KAZN: variants seen among roughly 807,000 people sequenced by gnomAD.
The protein encoded by KAZN is kazrin, periplakin interacting protein.
KAZN carries 40 observed loss-of-function variants against 87.4 expected under a neutral mutation model. That is an observed-to-expected ratio of 0.46 (90% CI 0.36 to 0.60). KAZN has a LOEUF of 0.60. Ranked by LOEUF, KAZN falls within the 20% of genes least tolerant of loss-of-function variation. The pLI, the probability that KAZN is intolerant of heterozygous loss-of-function variation, is 0.00. For synonymous variants in KAZN, 466 were observed against 458.3 expected (o/e 1.02, Z -0.22); for missense variants, 898 against 1,073.9 (o/e 0.84, Z 2.29).
chr1:14,027,340 G>A (rs887376550), intron 1 of KAZN, among the ~76,000 whole-genome samples: 3 of 152,076 alleles, frequency 2.0e-5, no homozygotes, highest in Non-Finnish European at 4.4e-5. Context: ...ATGGTAACCG[G>A]GTGACATCCC....
At chr1:14,399,460 T>C (rs895660376) in intron 2 of KAZN, among the ~76,000 whole-genome samples, 2 of 152,108 alleles carry the variant, frequency 1.3e-5, no homozygotes, top group East Asian at 1.9e-4. Context: ...GATACCTTGA[T>C]AGTCATTGGT....
intron 2 of KAZN, among the ~76,000 whole-genome samples, chr1:14,259,426 C>T (rs1217488892): frequency 6.6e-6 from 1 of 152,120 alleles, no homozygotes; most frequent in East Asian, 1.9e-4. Flanking sequence ...GTGATGTACC[C>T]AGGCGCTCCA....
chr1:15,103,272 GAA>G, intron 11 of KAZN, 85 bp from the exon 12 acceptor site: 2 of 951,112 alleles, frequency 2.1e-6, no homozygotes, highest in Admixed American at 2.1e-5. Context: ...GTCTCGGGGG[GAA>G]AAAGAGATGC....
chr1:14,582,345 A>G (rs1675607835), intron 2 of KAZN, among the ~76,000 whole-genome samples: 2 of 152,144 alleles, frequency 1.3e-5, no homozygotes, highest in African/African-American at 4.8e-5. Flanking sequence ...GTGTGGAGCA[A>G]AATCAGTTTT....
intron 1 of KAZN, among the ~76,000 whole-genome samples, chr1:14,081,527 G>A (rs967525518): frequency 1.3e-5 from 2 of 152,000 alleles, no homozygotes; most frequent in African/African-American, 4.8e-5. Flanking sequence ...CAAGTGGTTT[G>A]CAATAGCCAA....
At chr1:14,821,794 C>T (rs1250518470) in intron 1 of KAZN, among the ~76,000 whole-genome samples, 4 of 152,144 alleles carry the variant, frequency 2.6e-5, no homozygotes, top group Non-Finnish European at 5.9e-5. Flanking sequence ...CCCTGGAAAG[C>T]TGGTACTACT....
Position 14,600,666 on chromosome 1 carries a change from CAAAAAAA to C in KAZN, c.226+1459_226+1465del, listed in dbSNP as rs59840012. Among the ~76,000 whole-genome samples, 932 of 118,472 alleles carry C rather than the reference CAAAAAAA, an allele frequency of 7.9e-3. 3 individuals are homozygous for C. The highest frequency in any genetic ancestry group is 0.016 in the African/African-American group (491 of 29,934). The allele number at this position is 118,472 out of a possible 152,430, so 77.7% of individuals were successfully genotyped here. A position where few individuals can be genotyped will look rare whatever the true frequency, so the allele number is the denominator to read the frequency against. ...AGAACATTCTCCACTGGAACCTGTG[CAAAAAAA>C]AAAAAAAAAAAAAAAGACAGACTGC... On this transcript the variant is annotated intron_variant, in intron 1 of 14. Coordinates refer to ENST00000376030, the MANE Select transcript of KAZN (RefSeq NM_201628.3).
At chr1:14,132,351 G>A (rs1364658142) in intron 1 of KAZN, among the ~76,000 whole-genome samples, 2 of 152,148 alleles carry the variant, frequency 1.3e-5, no homozygotes, top group African/African-American at 4.8e-5. Context: ...GCAGGTGCTT[G>A]AGCGTGATAC....
chr1:14,893,463 G>A (rs1252664190), intron 1 of KAZN, among the ~76,000 whole-genome samples: 1 of 152,188 alleles, frequency 6.6e-6, no homozygotes, highest in East Asian at 1.9e-4. Flanking sequence ...TAGGTCACGG[G>A]GGCTTCTCCA....
At chr1:14,644,655 C>T (rs999089338) in intron 1 of KAZN, among the ~76,000 whole-genome samples, 11 of 152,138 alleles carry the variant, frequency 7.2e-5, no homozygotes, top group African/African-American at 1.7e-4. Flanking sequence ...GCCACCGTGC[C>T]GGGCCTTCTC....
Position 15,115,806 on chromosome 1 carries a change from G to T in KAZN, c.*1171G>T, listed in dbSNP as rs963734298. The T allele has an allele frequency of 6.6e-6, 1 of 152,188 alleles. No individual in the cohort carries two copies. The highest frequency in any genetic ancestry group is 1.5e-5 in the Non-Finnish European group (1 of 68,046). 9.4% of individuals were successfully genotyped at this position (152,188 alleles called of 1,614,324 possible). A position where few individuals can be genotyped will look rare whatever the true frequency, so the allele number is the denominator to read the frequency against. On this transcript the variant is annotated 3_prime_UTR_variant, in exon 15 of 15. Coordinates refer to ENST00000376030, the MANE Select transcript of KAZN (RefSeq NM_201628.3). This position sits in a 1 kb window ranked among gnomAD's most constrained non-coding sequence, Gnocchi z 4.1. Reference sequence around the variant, plus strand: ...CTTCTGGTTCCCTCCCAGGGACATCGTGAGGATTAACACTTGCTAATATCT... The same window carrying T: ...CTTCTGGTTCCCTCCCAGGGACATCTTGAGGATTAACACTTGCTAATATCT...
intron 1 of KAZN, among the ~76,000 whole-genome samples, chr1:14,001,359 C>T (rs1386540787): frequency 6.6e-6 from 1 of 152,048 alleles, no homozygotes; most frequent in Non-Finnish European, 1.5e-5. Flanking sequence ...AGAAAGGACA[C>T]AAACAAATAA....
At chr1:14,041,051 T>C (rs4662086) in intron 1 of KAZN, among the ~76,000 whole-genome samples, 93,216 of 151,534 alleles carry the variant, frequency 0.62, 29,998 homozygotes, top group African/African-American at 0.8. Flanking sequence ...CCCATTCGCT[T>C]GGCAGCTTCA....
At chr1:14,538,221 C>T (rs2148491061) in intron 2 of KAZN, among the ~76,000 whole-genome samples, 1 of 152,264 alleles carries the variant, frequency 6.6e-6, no homozygotes, top group South Asian at 2.1e-4. Context: ...AATTACTTTT[C>T]TGTGTGCCTT....
At chr1:14,463,466 A>T (rs1303741872) in intron 2 of KAZN, among the ~76,000 whole-genome samples, 1 of 152,156 alleles carries the variant, frequency 6.6e-6, no homozygotes, top group Non-Finnish European at 1.5e-5. Context: ...CCTTATTGAA[A>T]TTGCTCTATT....
chr1:14,889,900 C>A (rs934519906), intron 1 of KAZN, among the ~76,000 whole-genome samples: 3 of 152,216 alleles, frequency 2.0e-5, no homozygotes, highest in Non-Finnish European at 4.4e-5. Context: ...GCCTGTCTTA[C>A]ATGACAAAAT....
At chr1:14,144,223 C>T (rs1456333137) in intron 1 of KAZN, among the ~76,000 whole-genome samples, 2 of 152,182 alleles carry the variant, frequency 1.3e-5, no homozygotes, top group Admixed American at 6.5e-5. Flanking sequence ...GATTTTCCTT[C>T]AGTGTCATTC....
chr1:14,883,409 A>AAGAAAGAAAGAG (rs1653688355), intron 1 of KAZN, among the ~76,000 whole-genome samples: 3 of 146,490 alleles, frequency 2.0e-5, no homozygotes, highest in Non-Finnish European at 4.5e-5. Flanking sequence ...GAAAGAAAGA[A>AAGAAAGAAAGAG]AGAAAGAAAG....
intron 13 of KAZN, among the ~76,000 whole-genome samples, chr1:15,110,443 GTA>G (rs1311793204): frequency 2.7e-5 from 4 of 149,498 alleles, no homozygotes; most frequent in African/African-American, 9.9e-5. Flanking sequence ...GTGTATTTGT[GTA>G]TGTGTGTATT....
Sources: allele counts gnomAD v4.1 joint callset (sites outside exome capture counted in the v4.1 genomes callset), GRCh38; gene constraint gnomAD v4.1.1; non-coding constraint Gnocchi (gnomAD v3.1); transcripts MANE v1.5; gene names NCBI Gene and HGNC (gene_info 2026-07-23, HGNC 2026-07-21).